PHIP: variants seen among roughly 807,000 people sequenced by gnomAD.
PHIP encodes PH-interacting protein.
PHIP carries 54 observed loss-of-function variants against 236.8 expected under a neutral mutation model. The observed-to-expected ratio is 0.23, with a 90% confidence interval of 0.18 to 0.29. The LOEUF (loss-of-function observed/expected upper bound fraction) is 0.29, where lower values mean the gene tolerates loss of function less well. PHIP is among the 10% of genes least tolerant of loss of function. The pLI is 1.00. For missense variants in PHIP, 1,370 were observed against 2,190.8 expected, an observed-to-expected ratio of 0.63 and a Z score of 7.48; for synonymous variants, 756 against 718.9, an observed-to-expected ratio of 1.05 and a Z score of -0.83.
intron 4 of PHIP, among the ~76,000 whole-genome samples, 169 bp from the exon 5 acceptor site, chr6:79,060,987 TA>T (rs1401836922): frequency 1.3e-5 from 2 of 152,190 alleles, no homozygotes; most frequent in Non-Finnish European, 2.9e-5. Context: ...AGTTTGTTAT[TA>T]AAAAATTTAA....
In PHIP at chr6:78,978,334, A is replaced by C. The variant is rs192053458; in HGVS notation, c.2889+258T>G. Among the ~76,000 whole-genome samples, 96 of 152,130 alleles carry C rather than the reference A, an allele frequency of 6.3e-4. 1 individual carries two copies. In the South Asian group the frequency reaches 8.1e-3, roughly 13 times the overall value. On this transcript the variant is annotated intron_variant, in intron 24 of 39. Coordinates refer to ENST00000275034, the MANE Select transcript of PHIP (RefSeq NM_017934.7). ...AAGAAAAAGAAAGCTGGCAATAAAA[A>C]CCTCTTACTAAAACATACATTTCTT... is the stretch of plus-strand genomic sequence containing the variant.
At chr6:79,013,781 T>C (rs901747133) in intron 15 of PHIP, among the ~76,000 whole-genome samples, 11 of 151,662 alleles carry the variant, frequency 7.3e-5, no homozygotes, top group African/African-American at 2.4e-4. Context: ...TAATGTCCTT[T>C]GGAAATACAA....
chr6:79,066,815 A>G lies in PHIP; in HGVS notation c.190-5997T>C, dbSNP rs371498153. Among the ~76,000 whole-genome samples the G allele has an allele frequency of 8.5e-5, 13 of 152,300 alleles. No homozygotes were observed. The East Asian group carries it at 1.7e-3, about 20-fold the overall frequency. ...AAGAGTTAATACCAAATTTGTTACT[A>G]TTTTTTAAATTTCCCCAAGAATGCC... is the stretch of plus-strand genomic sequence containing the variant. On this transcript the variant is annotated intron_variant, in intron 4 of 39. Transcript: ENST00000275034.
Position 79,025,538 on chromosome 6 carries a change from C to T in PHIP, c.904G>A (p.Ala302Thr). Residue 302 changes from alanine (A) to threonine (T), a missense_variant, in exon 9 of 40, where the codon GCT becomes ACT. Ala to Thr is a moderately conservative substitution (Grantham distance 58). Coordinates refer to ENST00000275034, the MANE Select transcript of PHIP (RefSeq NM_017934.7). ...ACTGACTTTATTTTAAGGGTTCCAG[C>T]ATCCCAGAGCCAAAAACAAATAGTG... is the stretch of plus-strand genomic sequence containing the variant. ...DGTICFWLWDAGTLKINPRPA... is the reference protein window; with the variant it reads ...DGTICFWLWDTGTLKINPRPA... 1 of 1,603,510 alleles carries T rather than the reference C, an allele frequency of 6.2e-7. No homozygotes were observed. The highest frequency in any genetic ancestry group is 8.5e-7 in the Non-Finnish European group (1 of 1,170,530).
At chr6:79,031,061 A>G (rs772484727) in intron 7 of PHIP, among the ~76,000 whole-genome samples, 1 of 152,086 alleles carries the variant, frequency 6.6e-6, no homozygotes, top group Non-Finnish European at 1.5e-5. Context: ...CTCCTGCCTC[A>G]GCCTCCAGAA....
Position 79,002,067 on chromosome 6 carries a change from T to G in PHIP, c.1711A>C (p.Asn571His), listed in dbSNP as rs547890252. 2 of 1,613,230 alleles carry G rather than the reference T, an allele frequency of 1.2e-6. No homozygotes were observed. The highest frequency in any genetic ancestry group is 1.7e-6 in the Non-Finnish European group (2 of 1,179,432). The change falls in exon 17 of 40, where the codon AAT becomes CAT. Residue 571 changes from asparagine to histidine, a missense_variant. By Grantham distance (68) the Asn-to-His change is moderately conservative. Around this residue, in one of 14 missense-constraint regions of PHIP, gnomAD observed 133 missense variants for 245.2 expected, o/e 0.54. Transcript: ENST00000275034. ...TGAGTCTGTTCATCTAATACAAAAT[T>G]GTTGGCATCACGAATAAGTGGCCGA... is the stretch of plus-strand genomic sequence containing the variant. ...DYRPLIRDAN[N>H]FVLDEQTQQA... is the part of the protein sequence containing the mutation.
intron 15 of PHIP, among the ~76,000 whole-genome samples, chr6:79,011,669 A>C (rs1050544319): frequency 2.6e-5 from 4 of 151,848 alleles, no homozygotes; most frequent in Non-Finnish European, 5.9e-5. Context: ...GAAAGTTAGC[A>C]GTAAAAACAA....
chr6:79,057,882 C>T (rs1417928413), intron 6 of PHIP, among the ~76,000 whole-genome samples: 3 of 152,066 alleles, frequency 2.0e-5, no homozygotes, highest in African/African-American at 7.2e-5. Flanking sequence ...CAACACCATC[C>T]TGTTCATTAC....
rs760225051 is a variant in PHIP, at chr6:78,969,931, G to A, written c.3123-14C>T. ...ATATCATGGTATCTAATTACAAACA[G>A]AAACAAATTGATTAGGTCACATACC... On this transcript the variant is annotated splice_polypyrimidine_tract_variant and intron_variant, in intron 26 of 39. Coordinates refer to ENST00000275034, the MANE Select transcript of PHIP (RefSeq NM_017934.7). 2.5e-6 allele frequency: 4 copies of A among 1,575,232 alleles called. No individual in the cohort carries two copies. Among genetic ancestry groups the A allele is most frequent in the Non-Finnish European group, 3.5e-6 (4 of 1,152,572 alleles).
intron 24 of PHIP, among the ~76,000 whole-genome samples, chr6:78,974,543 A>G (rs1767895593): frequency 6.6e-6 from 1 of 152,138 alleles, no homozygotes; most frequent in Non-Finnish European, 1.5e-5. Context: ...GAACTGAAGG[A>G]AATAGAGACA....
At chr6:79,035,457 T>A (rs1169700987) in intron 7 of PHIP, among the ~76,000 whole-genome samples, 2 of 152,194 alleles carry the variant, frequency 1.3e-5, no homozygotes, top group African/African-American at 2.4e-5. Context: ...TATTGACCTA[T>A]GTACCTAAAA....
intron 35 of PHIP, among the ~76,000 whole-genome samples, chr6:78,950,278 T>TCTA (rs1264343375): frequency 3.3e-5 from 5 of 152,226 alleles, no homozygotes; most frequent in African/African-American, 1.2e-4. Flanking sequence ...ATTCCTGAAT[T>TCTA]CTATTTGCTG....
intron 37 of PHIP, 100 bp from the exon 38 acceptor site, chr6:78,946,360 A>G (rs1364982992): frequency 5.0e-6 from 7 of 1,399,398 alleles, no homozygotes; most frequent in Middle Eastern, 2.4e-4. Flanking sequence ...CTATTATGAA[A>G]TATGTTAAAA....
chr6:79,006,874 C>T (rs901759418), intron 15 of PHIP, among the ~76,000 whole-genome samples: 3 of 151,750 alleles, frequency 2.0e-5, no homozygotes, highest in Admixed American at 6.6e-5. Flanking sequence ...TAAGGTTTAG[C>T]TGAGATAATC....
At chr6:78,967,867 G>A (rs535555038) in intron 27 of PHIP, among the ~76,000 whole-genome samples, 1 of 152,244 alleles carries the variant, frequency 6.6e-6, no homozygotes, top group African/African-American at 2.4e-5. Flanking sequence ...GGGCGCGGTG[G>A]CTCATGCCTG....
intron 6 of PHIP, among the ~76,000 whole-genome samples, chr6:79,049,551 A>G (rs1202462426): frequency 6.6e-6 from 1 of 152,312 alleles, no homozygotes. Flanking sequence ...AATCTCCACC[A>G]TCTGTATTAA....
At chr6:79,048,668 G>A (rs1772626539) in intron 6 of PHIP, among the ~76,000 whole-genome samples, 1 of 152,028 alleles carries the variant, frequency 6.6e-6, no homozygotes, top group Non-Finnish European at 1.5e-5. Flanking sequence ...AAAGGTTAGT[G>A]TTTTTTGTTA....
chr6:78,957,274 CAG>C (rs1766481057), intron 32 of PHIP: 1 of 151,810 alleles, frequency 6.6e-6, no homozygotes, highest in South Asian at 2.1e-4. Context: ...TTTGAAAAAA[CAG>C]ATACACATAC....
intron 11 of PHIP, 27 bp from the exon 12 acceptor site, chr6:79,017,413 G>A (rs1360896490): frequency 1.9e-6 from 3 of 1,588,064 alleles, no homozygotes; most frequent in Non-Finnish European, 2.6e-6. Context: ...AAACAAAAAA[G>A]TGGGTGCTGA....
Sources: gnomAD v4.1 joint callset for allele counts (sites outside exome capture counted in the v4.1 genomes callset) on GRCh38, gnomAD v4.1.1 for gene constraint, gnomAD v4.1.1 regional missense constraint, MANE v1.5 for transcripts, NCBI Gene and HGNC (gene_info 2026-07-23, HGNC 2026-07-21) for gene names.